Variants in BRPF1 observed in about 807,000 individuals in gnomAD.
BRPF1 encodes bromodomain and PHD finger containing 1.
Under a neutral mutation model 115.0 loss-of-function variants are expected in BRPF1, and 15 were observed. The observed-to-expected ratio is 0.13, with a 90% CI of 0.09 to 0.20. The LOEUF (loss-of-function observed/expected upper bound fraction) is 0.20, where lower values mean the gene tolerates loss of function less well. Among genes scored for constraint, BRPF1 ranks in the 10% least tolerant of loss-of-function variants. BRPF1 has a pLI of 1.00. For missense variants in BRPF1, 1,118 were observed against 1,638.3 expected (o/e 0.68, Z 5.48); for synonymous variants, 647 against 619.8 (o/e 1.04, Z -0.65).
intron 13 of BRPF1, 56 bp downstream of exon 13, chr3:9,746,510 A>G: frequency 6.9e-7 from 1 of 1,456,652 alleles, no homozygotes; most frequent in Admixed American, 2.3e-5. Flanking sequence ...CCTGTGTGGT[A>G]TGGGGGCAGA....
chr3:9,745,491 G>A lies in BRPF1; in HGVS notation c.3069-82G>A. 1 of 1,486,706 alleles carries A rather than the reference G, an allele frequency of 6.7e-7. No individual in the cohort carries two copies. Among genetic ancestry groups the A allele is most frequent in the African/African-American group, 1.4e-5 (1 of 72,236 alleles). 92.1% of individuals were successfully genotyped at this position (1,486,706 alleles called of 1,614,324 possible). ...TTTCCAAAAGTCTCAGACCCTGCGGGCTTTAAGAGCTGAGGGCACATACCA... is the reference window on the plus strand; with the variant it reads ...TTTCCAAAAGTCTCAGACCCTGCGGACTTTAAGAGCTGAGGGCACATACCA... On this transcript the variant is annotated intron_variant, in intron 10 of 13. Transcript: ENST00000383829. This position sits in a 1 kb window ranked among gnomAD's most constrained non-coding sequence, Gnocchi z 5.1.
chr3:9,740,817 A>G lies in BRPF1; in HGVS notation c.1598A>G (p.Lys533Arg). 1 of 1,614,172 alleles carries G rather than the reference A, an allele frequency of 6.2e-7. No homozygotes were observed. Among genetic ancestry groups the G allele is most frequent in the African/African-American group, 1.3e-5 (1 of 75,056 alleles). The change falls in exon 4 of 14, where the codon AAG becomes AGG. Residue 533 changes from lysine (K) to arginine (R), a missense_variant. Around this residue, in one of 10 missense-constraint regions of BRPF1, gnomAD observed 178 missense variants for 303.7 expected, o/e 0.59. Coordinates refer to ENST00000383829, the MANE Select transcript of BRPF1 (RefSeq NM_001003694.2). ...ACCAACCGCCTGACCATCCAAAGGA[A>G]GAGCCAGTTCATGCAGAGGCTGCAC... Reference protein sequence around the residue: ...KITNRLTIQRKSQFMQRLHSY... With the variant: ...KITNRLTIQRRSQFMQRLHSY...
At position 9,747,057 on chromosome 3, in the gene BRPF1, G is replaced by C; in HGVS notation, c.3480-109G>C. The C allele has an allele frequency of 8.2e-7, 1 of 1,212,660 alleles. No individual in the cohort carries two copies. Among genetic ancestry groups the C allele is most frequent in the Non-Finnish European group, 1.2e-6 (1 of 835,828 alleles). 75.1% of individuals were successfully genotyped at this position (1,212,660 alleles called of 1,614,324 possible). On this transcript the variant is annotated intron_variant, in intron 13 of 13. Transcript: ENST00000383829. This position sits in a 1 kb window ranked among gnomAD's most constrained non-coding sequence, Gnocchi z 5.6. ...TCCTTTGAGGGCAGGGACCATCACA[G>C]AGTCTGGCCAGAGTGGGTGCTTGGG...
chr3:9,735,564 TA>T (rs2076926642), intron 2 of BRPF1, among the ~76,000 whole-genome samples: 1 of 152,252 alleles, frequency 6.6e-6, no homozygotes, highest in South Asian at 2.1e-4. Context: ...ACTGATTTCA[TA>T]AGGTACTAAA....
intron 2 of BRPF1, among the ~76,000 whole-genome samples, chr3:9,735,566 AGGT>A (rs2076926679): frequency 6.6e-6 from 1 of 152,220 alleles, no homozygotes; most frequent in African/African-American, 2.4e-5. Flanking sequence ...TGATTTCATA[AGGT>A]ACTAAAAGCA....
intron 5 of BRPF1, among the ~76,000 whole-genome samples, 159 bp downstream of exon 5, chr3:9,741,598 CTG>C (rs1453033559): frequency 7.0e-6 from 1 of 143,438 alleles, no homozygotes; most frequent in African/African-American, 2.6e-5. Flanking sequence ...GATCGTGCCA[CTG>C]TACTCCAGCC....
In BRPF1 at chr3:9,744,342, C is replaced by G; in HGVS notation, c.2754C>G (p.Pro918=). The change falls in exon 9 of 14, where the codon CCC becomes CCG. Residue 918 remains proline (P), a synonymous_variant. Coordinates refer to ENST00000383829, the MANE Select transcript of BRPF1 (RefSeq NM_001003694.2). ...AGPPKRPGRP[P]KNRESQMTPS... ...CGCCCAAGAGGCCGGGCCGGCCCCC[C>G]AAAAACCGGGAGAGCCAGATGACCC... 3.1e-6 allele frequency: 5 copies of G among 1,613,416 alleles called. No individual in the cohort carries two copies. The highest frequency in any genetic ancestry group is 1.3e-5 in the African/African-American group (1 of 75,030).
intron 4 of BRPF1, 114 bp downstream of exon 4, chr3:9,741,055 C>G (rs2077020710): frequency 4.9e-6 from 6 of 1,218,178 alleles, no homozygotes; most frequent in South Asian, 1.4e-5. Context: ...CTCCTTTAAG[C>G]TAGCCCTCAA....
chr3:9,738,503 T>C (rs1043240157), intron 2 of BRPF1, among the ~76,000 whole-genome samples: 2 of 152,236 alleles, frequency 1.3e-5, no homozygotes, highest in Admixed American at 1.3e-4. Context: ...AGAAGATCCA[T>C]GGCAGCTCTA....
In BRPF1 at chr3:9,747,430, C is replaced by G; in HGVS notation, c.*81C>G. 1 of 1,523,362 alleles carries G rather than the reference C, an allele frequency of 6.6e-7. No homozygotes were observed. The allele number at this position is 1,523,362 out of a possible 1,614,324, so 94.4% of individuals were successfully genotyped here. On this transcript the variant is annotated 3_prime_UTR_variant, in exon 14 of 14. Transcript: ENST00000383829. The surrounding 1 kb of genome is among the most constrained non-coding windows in gnomAD (Gnocchi z 5.6). ...CTCACTGTCCTGGAGTGGCACCGGC[C>G]TCTGCACTGACTCATTTCTGGTCTT...
rs757930846 is a variant in BRPF1, at chr3:9,745,536, C to G, written c.3069-37C>G. 6.2e-7 allele frequency: 1 copy of G among 1,606,724 alleles called. No homozygotes were observed. The highest frequency in any genetic ancestry group is 1.7e-5 in the Admixed American group (1 of 59,948). Reference sequence around the variant, plus strand: ...ATACCATGCTGTTCCCCATTCTTCCCCTCCTTTGAGCTGAGCTCCCATTGT... The same window carrying G: ...ATACCATGCTGTTCCCCATTCTTCCGCTCCTTTGAGCTGAGCTCCCATTGT... On this transcript the variant is annotated intron_variant, in intron 10 of 13. Coordinates refer to ENST00000383829, the MANE Select transcript of BRPF1 (RefSeq NM_001003694.2). The surrounding 1 kb of genome is among the most constrained non-coding windows in gnomAD (Gnocchi z 5.1).
intron 12 of BRPF1, 108 bp downstream of exon 12, chr3:9,746,038 G>A: frequency 7.6e-7 from 1 of 1,320,380 alleles, no homozygotes; most frequent in Middle Eastern, 2.0e-4. Flanking sequence ...GAGTTTCTTG[G>A]TAAGGTAGAC....
rs1421479301 is a variant in BRPF1, at chr3:9,747,243, G to A, written c.3557G>A (p.Arg1186His). Residue 1186 changes from arginine to histidine, a missense_variant, in exon 14 of 14, where the codon CGC becomes CAC. Around this residue, in one of 10 missense-constraint regions of BRPF1, gnomAD observed 76 missense variants for 166.1 expected, o/e 0.46. Transcript: ENST00000383829. The surrounding 1 kb of genome is among the most constrained non-coding windows in gnomAD (Gnocchi z 5.6). Reference protein sequence around the residue: ...DLDKEKMLEGRKSNIRKSVQI... With the variant: ...DLDKEKMLEGHKSNIRKSVQI... ...GACAAGGAGAAGATGCTGGAGGGCC[G>A]CAAGTCCAACATCCGCAAGTCAGTA... is the stretch of plus-strand genomic sequence containing the variant. 1 of 1,614,198 alleles carries A rather than the reference G, an allele frequency of 6.2e-7. No homozygotes were observed. Among genetic ancestry groups the A allele is most frequent in the Non-Finnish European group, 8.5e-7 (1 of 1,180,050 alleles).
chr3:9,743,494 G>A lies in BRPF1; in HGVS notation c.2312-84G>A. On this transcript the variant is annotated intron_variant, in intron 7 of 13. Coordinates refer to ENST00000383829, the MANE Select transcript of BRPF1 (RefSeq NM_001003694.2). The surrounding 1 kb of genome is among the most constrained non-coding windows in gnomAD (Gnocchi z 6.1). ...CTGGTGAGAAGCCCAGGGGGGATGA[G>A]TGGGTTTCTTGCTGCCTGCCCAGGT... 6.9e-7 allele frequency: 1 copy of A among 1,455,980 alleles called. No individual in the cohort carries two copies. The highest frequency in any genetic ancestry group is 1.4e-5 in the African/African-American group (1 of 70,864). 90.2% of individuals were successfully genotyped at this position (1,455,980 alleles called of 1,614,324 possible).
At chr3:9,735,690 A>G (rs1439980091) in intron 2 of BRPF1, among the ~76,000 whole-genome samples, 1 of 152,182 alleles carries the variant, frequency 6.6e-6, no homozygotes, top group Non-Finnish European at 1.5e-5. Flanking sequence ...ATACTCCTCC[A>G]GTGGCCCTTT....
At chr3:9,744,763 G>T (rs1264560234) in intron 9 of BRPF1, among the ~76,000 whole-genome samples, 1 of 152,128 alleles carries the variant, frequency 6.6e-6, no homozygotes. Flanking sequence ...CCTTCCTTGG[G>T]GATCTCCTGC....
In BRPF1 at chr3:9,745,195, C is replaced by T; in HGVS notation, c.3068+40C>T. 1.9e-6 allele frequency: 3 copies of T among 1,600,616 alleles called. No homozygotes were observed. The highest frequency in any genetic ancestry group is 1.7e-6 in the Non-Finnish European group (2 of 1,174,200). ...GATCGAGGCCAACCTCAGGGGATGC[C>T]CTTCCAGGGCTCTTGGGCCTGTGTA... On this transcript the variant is annotated intron_variant, in intron 10 of 13. Coordinates refer to ENST00000383829, the MANE Select transcript of BRPF1 (RefSeq NM_001003694.2). This position sits in a 1 kb window ranked among gnomAD's most constrained non-coding sequence, Gnocchi z 5.1.
At position 9,731,982 on chromosome 3, in the gene BRPF1, C is replaced by T. The variant is rs1327684551; in HGVS notation, c.-167C>T. ...GCTCAGGAATCCCGGGGAGCCGGGA[C>T]CAAAGCGTGGGGCGGCAGGGGGCCG... On this transcript the variant is annotated 5_prime_UTR_variant, in exon 1 of 14. Transcript: ENST00000383829. The T allele has an allele frequency of 2.0e-5, 3 of 152,292 alleles. No homozygotes were observed. The highest frequency in any genetic ancestry group is 4.4e-5 in the Non-Finnish European group (3 of 68,128). The allele number at this position is 152,292 out of a possible 1,614,324, so 9.4% of individuals were successfully genotyped here.
intron 1 of BRPF1, chr3:9,733,371 GTCAT>G (rs1390918747): frequency 2.6e-5 from 4 of 152,186 alleles, no homozygotes; most frequent in Non-Finnish European, 4.4e-5. Flanking sequence ...CGTTCAACAG[GTCAT>G]TCATTCGTTC....
Sources: gnomAD v4.1 joint callset for allele counts (sites outside exome capture counted in the v4.1 genomes callset) on GRCh38, gnomAD v4.1.1 for gene constraint, gnomAD v4.1.1 regional missense constraint, Gnocchi (gnomAD v3.1) non-coding constraint, MANE v1.5 for transcripts, NCBI Gene and HGNC (gene_info 2026-07-23, HGNC 2026-07-21) for gene names.